Variants in CTNNA3 observed in about 807,000 individuals in gnomAD.
CTNNA3 encodes catenin alpha 3, also known as catenin alpha-3.
A neutral mutation model predicts 95.7 loss-of-function variants in CTNNA3; 76 were observed. The ratio of observed to expected loss-of-function variants is 0.79; its 90% CI spans 0.66 to 0.96. CTNNA3 has a LOEUF of 0.96. CTNNA3 is among the 40% of genes least tolerant of loss of function. The pLI is 0.00. For missense variants in CTNNA3, 1,191 were observed against 1,089.8 expected (o/e 1.09, Z -1.31); for synonymous variants, 431 against 374.4 (o/e 1.15, Z -1.74).
At chr10:67,063,191 T>A (rs1330928481) in intron 7 of CTNNA3, among the ~76,000 whole-genome samples, 3 of 152,180 alleles carry the variant, frequency 2.0e-5, no homozygotes, top group African/African-American at 7.2e-5. Context: ...CAAGTATGGA[T>A]GCTCAAGACA....
In CTNNA3 at chr10:67,463,972, A is replaced by G. The variant is rs140916320; in HGVS notation, c.579+57870T>C. ...CTACCCCTTCTCATGATCCTCAATT[A>G]TGCTCCTACGAATGCTCTAACCCCA... On this transcript the variant is annotated intron_variant, in intron 5 of 17. Transcript: ENST00000433211. Among the ~76,000 whole-genome samples the G allele has an allele frequency of 7.2e-3, 1,094 of 152,180 alleles. 19 individuals are homozygous for G. The highest frequency in any genetic ancestry group is 0.025 in the African/African-American group (1,041 of 41,500).
Position 66,355,900 on chromosome 10 carries a change from A to G in CTNNA3, c.1732+23252T>C, listed in dbSNP as rs939204966. On this transcript the variant is annotated intron_variant, in intron 12 of 17. Coordinates refer to ENST00000433211, the MANE Select transcript of CTNNA3 (RefSeq NM_013266.4). The stretch of plus-strand genomic sequence containing the variant: ...AATGTAAGGCATAAGTTGAGGTTCA[A>G]TGTCTAAATTGTTCCAGCACCACTT... Among the ~76,000 whole-genome samples, 15 of 25,628 alleles carry G rather than the reference A, an allele frequency of 5.9e-4. 1 individual carries two copies. Among genetic ancestry groups the G allele is most frequent in the Non-Finnish European group, 1.2e-3 (10 of 8,376 alleles). The allele number at this position is 25,628 out of a possible 152,430, so 16.8% of individuals were successfully genotyped here. A position where few individuals can be genotyped will look rare whatever the true frequency, so the allele number is the denominator to read the frequency against.
chr10:66,680,147 G>A (rs1385227027), intron 9 of CTNNA3, among the ~76,000 whole-genome samples: 1 of 150,720 alleles, frequency 6.6e-6, no homozygotes, highest in Non-Finnish European at 1.5e-5. Flanking sequence ...ACAAGCACAT[G>A]CCACCATGCC....
chr10:66,282,017 C>T (rs184196496), intron 12 of CTNNA3, among the ~76,000 whole-genome samples: 43 of 151,972 alleles, frequency 2.8e-4, no homozygotes, highest in African/African-American at 9.9e-4. Context: ...ATTCCTTAGT[C>T]ATACTCATCC....
intron 7 of CTNNA3, among the ~76,000 whole-genome samples, chr10:67,172,702 G>A (rs1329883831): frequency 2.6e-5 from 4 of 152,050 alleles, no homozygotes; most frequent in East Asian, 1.9e-4. Flanking sequence ...GGCCGGGCAC[G>A]GTGGCTTACG....
chr10:67,206,836 T>C (rs187468258), intron 6 of CTNNA3, among the ~76,000 whole-genome samples: 2 of 151,772 alleles, frequency 1.3e-5, no homozygotes, highest in African/African-American at 2.4e-5. Flanking sequence ...CAATATCCCA[T>C]AAAAACTAAA....
At chr10:67,211,812 C>T (rs942512388) in intron 6 of CTNNA3, among the ~76,000 whole-genome samples, 1 of 152,100 alleles carries the variant, frequency 6.6e-6, no homozygotes, top group Non-Finnish European at 1.5e-5. Context: ...TATAACTCTT[C>T]TAATTCCTGT....
chr10:67,479,384 A>G (rs549074666), intron 5 of CTNNA3, among the ~76,000 whole-genome samples: 4 of 152,310 alleles, frequency 2.6e-5, no homozygotes, highest in African/African-American at 9.6e-5. Context: ...CAAAAAAATG[A>G]AAATCATACC....
At chr10:66,963,110 T>C (rs1849208386) in intron 7 of CTNNA3, among the ~76,000 whole-genome samples, 1 of 152,194 alleles carries the variant, frequency 6.6e-6, no homozygotes. Flanking sequence ...ACCAAAATTA[T>C]TTTAAATGTG....
intron 2 of CTNNA3, among the ~76,000 whole-genome samples, chr10:67,625,673 T>A (rs1014403694): frequency 2.6e-5 from 4 of 152,230 alleles, no homozygotes; most frequent in African/African-American, 9.6e-5. Context: ...GTAAGATTTT[T>A]AAAGCAGAAA....
chr10:67,508,349 A>G (rs570153255), intron 5 of CTNNA3, among the ~76,000 whole-genome samples: 1 of 152,310 alleles, frequency 6.6e-6, no homozygotes, highest in African/African-American at 2.4e-5. Flanking sequence ...GCCGTATTTC[A>G]CAAGCCCATA....
At chr10:66,078,331 T>A (rs2080617059) in intron 14 of CTNNA3, among the ~76,000 whole-genome samples, 1 of 151,876 alleles carries the variant, frequency 6.6e-6, no homozygotes, top group South Asian at 2.1e-4. Context: ...TCCTTTTCTG[T>A]AGAACTCTTC....
intron 11 of CTNNA3, among the ~76,000 whole-genome samples, chr10:66,420,835 A>AATAAATAAATAAATT (rs1652537233): frequency 1.1e-5 from 1 of 92,994 alleles, no homozygotes. Flanking sequence ...ATAAATAAAT[A>AATAAATAAATAAATT]AATAAAAAAC....
chr10:66,512,512 TTTTTCTCATTTGCA>T (rs1840697640), intron 11 of CTNNA3, among the ~76,000 whole-genome samples: 1 of 152,112 alleles, frequency 6.6e-6, no homozygotes, highest in South Asian at 2.1e-4. Context: ...TATTCCTTTC[TTTTTCTCATTTGCA>T]TATCTGCTTT....
chr10:66,000,649 A>G (rs1304224917), intron 15 of CTNNA3, among the ~76,000 whole-genome samples: 1 of 152,128 alleles, frequency 6.6e-6, no homozygotes, highest in Non-Finnish European at 1.5e-5. Flanking sequence ...GATTTTATAG[A>G]TGAAAACAAT....
At chr10:66,664,632 A>C (rs2894016) in intron 9 of CTNNA3, among the ~76,000 whole-genome samples, 99,237 of 151,536 alleles carry the variant, frequency 0.65, 33,324 homozygotes, top group East Asian at 0.95. Context: ...ACTGACTGGA[A>C]TCATCTAGGT....
intron 13 of CTNNA3, among the ~76,000 whole-genome samples, chr10:66,231,002 C>G (rs1275167856): frequency 6.6e-6 from 1 of 152,102 alleles, no homozygotes; most frequent in African/African-American, 2.4e-5. Context: ...AGAATAAACT[C>G]AGGTGGTGGC....
At chr10:66,364,735 T>A (rs1211668179) in intron 12 of CTNNA3, among the ~76,000 whole-genome samples, 2 of 152,032 alleles carry the variant, frequency 1.3e-5, no homozygotes, top group African/African-American at 4.8e-5. Context: ...GCCCATAGAG[T>A]TTAACGTATT....
chr10:65,932,570 G>A (rs1348994178), intron 17 of CTNNA3, among the ~76,000 whole-genome samples: 1 of 151,974 alleles, frequency 6.6e-6, no homozygotes, highest in Non-Finnish European at 1.5e-5. Context: ...GGTAAACTTG[G>A]GATTAATTCC....
Sources: gnomAD v4.1 joint callset for allele counts (sites outside exome capture counted in the v4.1 genomes callset) on GRCh38, gnomAD v4.1.1 for gene constraint, MANE v1.5 for transcripts, NCBI Gene and HGNC (gene_info 2026-07-23, HGNC 2026-07-21) for gene names.